SEMA3E: variants seen among roughly 807,000 people sequenced by gnomAD.
SEMA3E encodes the protein semaphorin-3E.
Under a neutral mutation model 93.6 loss-of-function variants are expected in SEMA3E, and 49 were observed. That is an observed-to-expected ratio of 0.52 (90% CI 0.42 to 0.66). SEMA3E has a LOEUF of 0.66. Among genes scored for constraint, SEMA3E ranks in the 30% least tolerant of loss-of-function variants. The pLI, the probability that SEMA3E is intolerant of heterozygous loss-of-function variation, is 0.00. For synonymous variants in SEMA3E, 363 were observed against 330.7 expected (o/e 1.10, Z -1.06); for missense variants, 906 against 964.8 (o/e 0.94, Z 0.81).
intron 2 of SEMA3E, among the ~76,000 whole-genome samples, chr7:83,471,239 G>C (rs534858520): frequency 1.3e-5 from 2 of 151,708 alleles, no homozygotes; most frequent in African/African-American, 4.8e-5. Context: ...GAACCCTTAA[G>C]GACACTGAAA....
At chr7:83,440,392 A>G (rs1789089179) in intron 4 of SEMA3E, among the ~76,000 whole-genome samples, 1 of 152,124 alleles carries the variant, frequency 6.6e-6, no homozygotes, top group Non-Finnish European at 1.5e-5. Flanking sequence ...CCAATTGGCT[A>G]AGAGTTCACA....
intron 5 of SEMA3E, among the ~76,000 whole-genome samples, chr7:83,412,694 A>T: frequency 6.6e-6 from 1 of 151,372 alleles, no homozygotes; most frequent in East Asian, 1.9e-4. Context: ...CCAGGCAGGT[A>T]GAGGCTGCAG....
chr7:83,599,272 C>T (rs532808583), intron 1 of SEMA3E, among the ~76,000 whole-genome samples: 1 of 152,276 alleles, frequency 6.6e-6, no homozygotes, highest in East Asian at 1.9e-4. Flanking sequence ...TTACACAGAA[C>T]ACAATGTCCC....
chr7:83,396,476 CA>C (rs1788124093), intron 12 of SEMA3E, among the ~76,000 whole-genome samples, 161 bp downstream of exon 12: 1 of 151,978 alleles, frequency 6.6e-6, no homozygotes, highest in South Asian at 2.1e-4. Context: ...CTGTAACAAT[CA>C]AACAGATGCA....
At chr7:83,477,885 A>G (rs926025175) in intron 2 of SEMA3E, among the ~76,000 whole-genome samples, 2 of 151,602 alleles carry the variant, frequency 1.3e-5, no homozygotes. Context: ...TAACAGAACT[A>G]TAATATATAT....
chr7:83,387,129 T>A (rs1787897899), intron 14 of SEMA3E, 79 bp from the exon 15 acceptor site: 1 of 1,128,728 alleles, frequency 8.9e-7, no homozygotes, highest in African/African-American at 1.5e-5. Context: ...GCATTTCATA[T>A]ACAAGTAGTA....
intron 2 of SEMA3E, among the ~76,000 whole-genome samples, chr7:83,472,412 G>A (rs1487889222): frequency 8.3e-6 from 1 of 121,096 alleles, no homozygotes; most frequent in African/African-American, 2.6e-5. Context: ...AAAGGAATAT[G>A]ATCCATTTGA....
intron 1 of SEMA3E, among the ~76,000 whole-genome samples, chr7:83,607,988 G>T (rs531525137): frequency 6.6e-6 from 1 of 152,182 alleles, no homozygotes; most frequent in Non-Finnish European, 1.5e-5. Context: ...AAGCCAAGGC[G>T]GGCAGATCAC....
rs576563613 is a variant in SEMA3E, at chr7:83,524,029, T to C, written c.116-33755A>G. ...TTATATTTGCTCAATCAAATGCTTA[T>C]GTATTAATTTAAATATTGTTATCTA... On this transcript the variant is annotated intron_variant, in intron 1 of 16. Coordinates refer to ENST00000643230, the MANE Select transcript of SEMA3E (RefSeq NM_012431.3). Among the ~76,000 whole-genome samples the C allele has an allele frequency of 1.1e-4, 16 of 152,272 alleles. No homozygotes were observed. In the East Asian group the frequency reaches 3.1e-3, roughly 29 times the overall value.
At chr7:83,603,539 C>T (rs1369724355) in intron 1 of SEMA3E, among the ~76,000 whole-genome samples, 1 of 151,916 alleles carries the variant, frequency 6.6e-6, no homozygotes, top group African/African-American at 2.4e-5. Context: ...CATATCTTTT[C>T]AGAAAAAACT....
At chr7:83,486,059 T>G (rs1790245511) in intron 2 of SEMA3E, among the ~76,000 whole-genome samples, 2 of 152,114 alleles carry the variant, frequency 1.3e-5, no homozygotes, top group Admixed American at 1.3e-4. Context: ...GTGTCTTTTC[T>G]GTTTTTTAAG....
intron 4 of SEMA3E, among the ~76,000 whole-genome samples, chr7:83,456,593 AT>A (rs1447005422): frequency 2.0e-5 from 1 of 49,314 alleles, no homozygotes; most frequent in South Asian, 1.1e-3. Context: ...TAACGACTCT[AT>A]TTTATTTATT....
At chr7:83,387,298 G>A (rs971307304) in intron 14 of SEMA3E, among the ~76,000 whole-genome samples, 11 of 152,014 alleles carry the variant, frequency 7.2e-5, no homozygotes, top group Non-Finnish European at 1.5e-4. Context: ...AAACAACAAT[G>A]GAATGTATTT....
At chr7:83,646,968 G>T (rs557021724) in intron 1 of SEMA3E, among the ~76,000 whole-genome samples, 3 of 151,522 alleles carry the variant, frequency 2.0e-5, no homozygotes, top group South Asian at 4.2e-4. Context: ...ATATTTTTTT[G>T]CATTTTTATT....
rs760790238 is a variant in SEMA3E at position 83,396,605 on chromosome 7, ATAAATTTGGTCTGTATTTTTTGCTT to A, written c.1458+8_1458+32del. 7.5e-7 allele frequency: 1 copy of A among 1,339,234 alleles called. No individual in the cohort carries two copies. The highest frequency in any genetic ancestry group is 1.7e-5 in the Admixed American group (1 of 58,800). The allele number at this position is 1,339,234 out of a possible 1,614,324, so 83.0% of individuals were successfully genotyped here. On this transcript the variant is annotated splice_region_variant and intron_variant, in intron 12 of 16. Coordinates refer to ENST00000643230, the MANE Select transcript of SEMA3E (RefSeq NM_012431.3). ...TACATCTCACTTGTAGTTGTAATGC[ATAAATTTGGTCTGTATTTTTTGCTT>A]TAAATACCTTGAATATCTGAAGTTC...
chr7:83,539,897 T>TGTG (rs1554336409), intron 1 of SEMA3E, among the ~76,000 whole-genome samples: 3 of 18,742 alleles, frequency 1.6e-4, no homozygotes, highest in African/African-American at 3.9e-4. Context: ...GTGTGTGTGT[T>TGTG]TGAAGTGGAG....
chr7:83,616,495 TAAA>T (rs573972976), intron 1 of SEMA3E: 1 of 249,188 alleles, frequency 4.0e-6, no homozygotes, highest in Non-Finnish European at 8.1e-6. Context: ...AAGATTCTAA[TAAA>T]AAAAAATAGC....
intron 2 of SEMA3E, among the ~76,000 whole-genome samples, chr7:83,482,564 C>CAA (rs11429680): frequency 0.064 from 5,037 of 78,348 alleles, 321 homozygotes; most frequent in African/African-American, 0.14. Context: ...CACTCCGTCT[C>CAA]AAAAAAAAAA....
intron 1 of SEMA3E, among the ~76,000 whole-genome samples, chr7:83,543,039 C>G (rs1230979142): frequency 6.6e-6 from 1 of 152,036 alleles, no homozygotes; most frequent in Non-Finnish European, 1.5e-5. Context: ...AAGTTACTTA[C>G]TATGTTAATA....
Sources: allele counts gnomAD v4.1 joint callset (sites outside exome capture counted in the v4.1 genomes callset), GRCh38; gene constraint gnomAD v4.1.1; transcripts MANE v1.5; gene names NCBI Gene and HGNC (gene_info 2026-07-23, HGNC 2026-07-21).